The following TENM1 variants were observed in gnomAD, a reference collection of about 807,000 sequenced individuals.
The protein encoded by TENM1 is teneurin-1.
Under a neutral mutation model 174.8 loss-of-function variants are expected in TENM1, and 35 were observed. The observed-to-expected ratio is 0.20, with a 90% CI of 0.15 to 0.27. The LOEUF (loss-of-function observed/expected upper bound fraction) is 0.27. Among genes scored for constraint, TENM1 ranks in the 10% least tolerant of loss-of-function variants. TENM1 has a pLI of 1.00. For missense variants in TENM1, 1,633 were observed against 2,130.1 expected, an observed-to-expected ratio of 0.77 and a Z score of 4.59; for synonymous variants, 781 against 798.7, an observed-to-expected ratio of 0.98 and a Z score of 0.37.
the TENM1 span, among the ~76,000 whole-genome samples, chrX:125,061,728 C>T: frequency 1.8e-5 from 2 of 111,788 alleles, no homozygotes; most frequent in South Asian, 7.5e-4. Flanking sequence ...ACCAGCCTGG[C>T]CTCCATGATG....
At chrX:124,563,682 C>G in intron 13 of TENM1, 67 bp downstream of exon 16, 1 of 915,839 alleles carries the variant, frequency 1.1e-6, no homozygotes, top group Non-Finnish European at 1.5e-6. Context: ...GCTACCCTTT[C>G]TTTCTTACAT....
chrX:124,862,519 A>G (rs1021792893), intron 3 of TENM1, among the ~76,000 whole-genome samples: 2 of 111,131 alleles, frequency 1.8e-5, no homozygotes, highest in South Asian at 7.7e-4. Flanking sequence ...GTTAGAGCAA[A>G]AAGGATAACC....
intron 11 of TENM1, among the ~76,000 whole-genome samples, chrX:124,626,729 C>A (rs907986336): frequency 4.5e-5 from 5 of 112,052 alleles, no homozygotes; most frequent in African/African-American, 1.6e-4. Flanking sequence ...CTATTGCTTT[C>A]TACCAGAAGT....
chrX:124,420,881 A>G (rs1178806371), intron 24 of TENM1, 60 bp from the exon 28 acceptor site: 2 of 1,044,842 alleles, frequency 1.9e-6, no homozygotes, highest in East Asian at 3.0e-5. Flanking sequence ...TGAACATACC[A>G]CAGACATAAA....
chrX:124,404,500 C>G (rs1043518254), intron 27 of TENM1, among the ~76,000 whole-genome samples: 2 of 111,858 alleles, frequency 1.8e-5, no homozygotes, highest in African/African-American at 6.5e-5. Context: ...AATCTCAGTA[C>G]CAGTCCTTTA....
the TENM1 span, among the ~76,000 whole-genome samples, chrX:124,989,949 T>C: frequency 8.9e-6 from 1 of 111,924 alleles, no homozygotes; most frequent in African/African-American, 3.2e-5. Context: ...ATAAATGGCA[T>C]CATCTCGTTA....
At chrX:124,481,770 C>T (rs767891990) in exon 22 of TENM1, 3 of 1,189,345 alleles carry the variant, frequency 2.5e-6, no homozygotes, top group Non-Finnish European at 3.4e-6. Flanking sequence ...TGCTCTCCCA[C>T]CATCTCCACA....
At chrX:125,046,683 G>A in the TENM1 span, among the ~76,000 whole-genome samples, 1 of 112,074 alleles carries the variant, frequency 8.9e-6, no homozygotes, top group East Asian at 2.8e-4. Context: ...GACATGTCCT[G>A]CCGAATGTGG....
At chrX:124,920,360 C>CT (rs751182094) in intron 1 of TENM1, among the ~76,000 whole-genome samples, 1 of 111,050 alleles carries the variant, frequency 9.0e-6, no homozygotes, top group African/African-American at 3.3e-5. Context: ...ATCTACTTAA[C>CT]TTTTTTTCAT....
chrX:124,902,739 CCA>C (rs2057683568), intron 1 of TENM1, among the ~76,000 whole-genome samples: 1 of 112,455 alleles, frequency 8.9e-6, no homozygotes. Flanking sequence ...CACTGAACAC[CCA>C]CTCAATTTAA....
intron 5 of TENM1, among the ~76,000 whole-genome samples, chrX:124,674,303 CAA>C (rs745969451): frequency 3.1e-3 from 51 of 16,615 alleles, no homozygotes; most frequent in African/African-American, 9.7e-3. Flanking sequence ...TATCAAAAGG[CAA>C]AAAAAAAAAA....
chrX:124,620,253 C>T (rs1234988076), intron 11 of TENM1, among the ~76,000 whole-genome samples: 6 of 111,249 alleles, frequency 5.4e-5, no homozygotes, highest in Non-Finnish European at 7.5e-5. Flanking sequence ...TCTCTTTTCT[C>T]GGAATGAATG....
chrX:124,877,712 G>T (rs1452946162), intron 3 of TENM1, among the ~76,000 whole-genome samples: 1 of 111,224 alleles, frequency 9.0e-6, no homozygotes, highest in Middle Eastern at 4.6e-3. Context: ...TACAGCTGAC[G>T]CTTGAGCAGT....
chrX:124,956,175 C>T (rs891690174), intron 1 of TENM1, among the ~76,000 whole-genome samples: 20 of 111,757 alleles, frequency 1.8e-4, no homozygotes, highest in African/African-American at 6.2e-4. Flanking sequence ...AGCTTCTAGA[C>T]CCCCATGGTA....
At chrX:125,078,828 T>C in the TENM1 span, among the ~76,000 whole-genome samples, 10 of 112,096 alleles carry the variant, frequency 8.9e-5, no homozygotes, top group Non-Finnish European at 1.9e-4. Flanking sequence ...TAAAACATCA[T>C]TAATACAATT....
intron 25 of TENM1, among the ~76,000 whole-genome samples, chrX:124,414,587 T>C (rs990672816): frequency 9.0e-6 from 1 of 111,134 alleles, no homozygotes; most frequent in African/African-American, 3.3e-5. Flanking sequence ...TCATGGGCAA[T>C]GGTGCATCAA....
chrX:124,823,912 A>T (rs1015547420), intron 3 of TENM1, among the ~76,000 whole-genome samples: 2 of 111,699 alleles, frequency 1.8e-5, no homozygotes, highest in African/African-American at 6.5e-5. Flanking sequence ...TATGATCATC[A>T]CATAGATACT....
chrX:124,688,760 G>C (rs2052439610), intron 5 of TENM1: 1 of 111,556 alleles, frequency 9.0e-6, no homozygotes, highest in Admixed American at 9.6e-5. Context: ...TTATTCCTGG[G>C]CATGCATTGA....
At chrX:124,989,554 C>T in the TENM1 span, among the ~76,000 whole-genome samples, 27,076 of 109,738 alleles carry the variant, frequency 0.25, 3,573 homozygotes, top group African/African-American at 0.51. Context: ...CGGCTTGAAA[C>T]ACCCAAAAAA....
Sources: gnomAD v4.1 joint callset for allele counts (sites outside exome capture counted in the v4.1 genomes callset) on GRCh38, gnomAD v4.1.1 for gene constraint, MANE v1.5 for transcripts, NCBI Gene and HGNC (gene_info 2026-07-23, HGNC 2026-07-21) for gene names.